Variants in PKD1 observed in about 807,000 individuals in gnomAD.
The protein encoded by PKD1 is polycystin-1.
In PKD1, 81 loss-of-function variants were observed where a neutral mutation model predicts 361.7. The ratio of observed to expected loss-of-function variants is 0.22; its 90% confidence interval spans 0.19 to 0.27. The LOEUF (loss-of-function observed/expected upper bound fraction) is 0.27, where lower values mean the gene tolerates loss of function less well. PKD1 is among the 10% of genes least tolerant of loss of function. PKD1 has a pLI of 1.00. For missense variants in PKD1, 6,399 were observed against 6,118.3 expected, an observed-to-expected ratio of 1.05 and a Z score of -1.53; for synonymous variants, 3,615 against 2,818.3, an observed-to-expected ratio of 1.28 and a Z score of -8.95.
Position 2,109,529 on chromosome 16 carries a change from T to C in PKD1, c.5638A>G (p.Asn1880Asp). Residue 1880 changes from asparagine to aspartate, a missense_variant, in exon 15 of 46, where the codon AAC (asparagine) becomes GAC (aspartate). Asn to Asp is a conservative substitution (Grantham distance 23). Transcript: ENST00000262304. The stretch of plus-strand genomic sequence containing the variant: ...ACGATGGGCTCCTCCGCCGTGAGGT[T>C]GTACGTGGCTGAGACCCAGCTGACT... ...NAVSWVSATY[N>D]LTAEEPIVGL... The C allele has an allele frequency of 6.2e-7, 1 of 1,611,154 alleles. No homozygotes were observed. Among genetic ancestry groups the C allele is most frequent in the East Asian group, 2.2e-5 (1 of 44,848 alleles).
Position 2,103,517 on chromosome 16 carries a change from T to G in PKD1, c.8540A>C (p.Lys2847Thr), listed in dbSNP as rs768619368. 10 of 1,606,442 alleles carry G rather than the reference T, an allele frequency of 6.2e-6. No individual in the cohort carries two copies. In the South Asian group the frequency reaches 1.1e-4, roughly 18 times the overall value. ...TGTCTGGAATGCCATCGAGGCCACC[T>G]TGGTGGAGACGGTGTAGTTGCTGAT... The part of the protein sequence containing the change: ...GYISNYTVST[K>T]VASMAFQTQA... The change falls in exon 23 of 46, where the codon AAG becomes ACG. Residue 2847 changes from lysine (K) to threonine (T), a missense_variant. Transcript: ENST00000262304.
At chr16:2,092,896 C>T in intron 38 of PKD1, 58 bp downstream of exon 38, 1 of 1,605,110 alleles carries the variant, frequency 6.2e-7, no homozygotes, top group Non-Finnish European at 8.5e-7. Context: ...TAGGGTCTGG[C>T]TGGACTAAAG....
chr16:2,090,263 C>T (rs372233477), intron 45 of PKD1, 22 bp downstream of exon 45: 18 of 1,608,334 alleles, frequency 1.1e-5, no homozygotes, highest in Admixed American at 5.0e-5. Context: ...TGTCCCTCTC[C>T]CCCCCACTGG....
At position 2,091,104 on chromosome 16, in the gene PKD1, C is replaced by G. The variant is rs764746483; in HGVS notation, c.11783G>C (p.Trp3928Ser). Reference protein sequence around the residue: ...EARTWHREGRWRVLRLGAWAR... With the variant: ...EARTWHREGRSRVLRLGAWAR... ...CCAGGCTCCGAGCCGCAGCACGCGC[C>G]AGCGCCCTTCCCTGTGCCAAGTACG... is the stretch of plus-strand genomic sequence containing the variant. The change falls in exon 43 of 46, where the codon TGG (tryptophan) becomes TCG (serine). Residue 3928 changes from tryptophan (W) to serine (S), a missense_variant. Transcript: ENST00000262304. The G allele has an allele frequency of 4.0e-6, 6 of 1,495,426 alleles. No individual in the cohort carries two copies. The East Asian group carries it at 1.6e-4, about 41-fold the overall frequency. 92.6% of individuals were successfully genotyped at this position (1,495,426 alleles called of 1,614,324 possible). A position where few individuals can be genotyped will look rare whatever the true frequency, so the allele number is the denominator to read the frequency against.
intron 14 of PKD1, among the ~76,000 whole-genome samples, 186 bp downstream of exon 14, chr16:2,112,154 G>A (rs1375940080): frequency 1.3e-5 from 2 of 152,162 alleles, no homozygotes; most frequent in Non-Finnish European, 2.9e-5. Context: ...CAGGGGCCCA[G>A]CTTCCCTGTC....
intron 1 of PKD1, among the ~76,000 whole-genome samples, chr16:2,124,887 C>T (rs1457138782): frequency 3.3e-5 from 5 of 152,204 alleles, no homozygotes; most frequent in African/African-American, 4.8e-5. Flanking sequence ...CCAGGGAGGC[C>T]CCATGCCCCC....
At chr16:2,112,200 TA>T in intron 14 of PKD1, 139 bp downstream of exon 14, 1 of 789,210 alleles carries the variant, frequency 1.3e-6, no homozygotes, top group Non-Finnish European at 2.1e-6. Flanking sequence ...CTCACCCCAG[TA>T]GGGGCCTAAG....
rs1199050207 is a variant in PKD1, at chr16:2,110,042, C to T, written c.5125G>A (p.Asp1709Asn). 10 of 1,610,262 alleles carry T rather than the reference C, an allele frequency of 6.2e-6. No individual in the cohort carries two copies. The highest frequency in any genetic ancestry group is 2.2e-4 in the Middle Eastern group (1 of 4,574). ...GGCTCCACGAAGTCCATGGTGCAGT[C>T]GGCCCAGGCGCTGCCCAGCATGTTG... ...ATNMLGSAWA[D>N]CTMDFVEPVG... The change falls in exon 15 of 46, where the codon GAC becomes AAC. Residue 1709 changes from aspartate (D) to asparagine (N), a missense_variant. Physicochemically the swap from Asp to Asn is conservative, Grantham distance 23. Transcript: ENST00000262304.
chr16:2,095,311 G>C (rs934467791), intron 34 of PKD1: 3 of 152,198 alleles, frequency 2.0e-5, no homozygotes, highest in Admixed American at 6.5e-5. Flanking sequence ...CTACTTGGGA[G>C]GCTGAGGCAG....
At chr16:2,123,565 C>A (rs1469157837) in intron 1 of PKD1, 3 of 454,564 alleles carry the variant, frequency 6.6e-6, no homozygotes, top group African/African-American at 2.0e-5. Flanking sequence ...CCAGCCCCCC[C>A]ACCCCGCCCC....
At chr16:2,127,242 C>T (rs149012922) in intron 1 of PKD1, among the ~76,000 whole-genome samples, 7,606 of 152,322 alleles carry the variant, frequency 0.05, 270 homozygotes, top group Non-Finnish European at 0.067. Context: ...CGCCAGCTTA[C>T]GTCAAAAGAA....
At chr16:2,103,928 G>C (rs781027842) in intron 22 of PKD1, 33 bp from the exon 23 acceptor site, 13 of 1,469,544 alleles carry the variant, frequency 8.8e-6, no homozygotes, top group Admixed American at 4.2e-5. Context: ...TGCAGAGACA[G>C]GGAGGTAGAG....
rs1596591593 is a variant in PKD1 at position 2,118,654 on chromosome 16, G to C, written c.529+22C>G. On this transcript the variant is annotated intron_variant, in intron 4 of 45. Coordinates refer to ENST00000262304, the MANE Select transcript of PKD1 (RefSeq NM_001009944.3). This position sits in a 1 kb window ranked among gnomAD's most constrained non-coding sequence, Gnocchi z 6.0. The stretch of plus-strand genomic sequence containing the variant: ...CCACCTGGCTGGGAAGGACAGAGCT[G>C]GCCCCACCCACCGGCACTCACCACA... The C allele has an allele frequency of 7.5e-7, 1 of 1,335,014 alleles. No individual in the cohort carries two copies. Among genetic ancestry groups the C allele is most frequent in the East Asian group, 2.5e-5 (1 of 40,216 alleles). 82.7% of individuals were successfully genotyped at this position (1,335,014 alleles called of 1,614,324 possible).
At chr16:2,104,748 T>C (rs920300323) in intron 21 of PKD1, 106 bp from the exon 22 acceptor site, 147 of 768,236 alleles carry the variant, frequency 1.9e-4, no homozygotes, top group African/African-American at 4.8e-4. Flanking sequence ...GCCCTGCAGC[T>C]GGAGAGCCCA....
rs1231857315 is a variant in PKD1, at chr16:2,092,890, G to A, written c.11156+64C>T. 2.5e-6 allele frequency: 4 copies of A among 1,588,240 alleles called. No individual in the cohort carries two copies. In the East Asian group the frequency reaches 8.9e-5, roughly 35 times the overall value. On this transcript the variant is annotated intron_variant, in intron 38 of 45. Coordinates refer to ENST00000262304, the MANE Select transcript of PKD1 (RefSeq NM_001009944.3). ...TACACATGTCCACATGTCCCCTAGG[G>A]TCTGGCTGGACTAAAGGCAAAACTA...
rs752105661 is a variant in PKD1, at chr16:2,108,388, A to G, written c.6779T>C (p.Ile2260Thr). 3.9e-5 allele frequency: 63 copies of G among 1,610,540 alleles called. No individual in the cohort carries two copies. Among genetic ancestry groups the G allele is most frequent in the Non-Finnish European group, 5.0e-5 (59 of 1,179,734 alleles). ...TVAPERLVPI[I>T]EGGSYRVWSD... ...CCACACGCGGTATGAGCCACCCTCA[A>G]TGATGGGCACCAGGCGCTCGGGGGC... is the stretch of plus-strand genomic sequence containing the variant. Residue 2260 changes from isoleucine (I) to threonine (T), a missense_variant, in exon 15 of 46, where the codon ATT becomes ACT. Coordinates refer to ENST00000262304, the MANE Select transcript of PKD1 (RefSeq NM_001009944.3).
intron 32 of PKD1, 39 bp downstream of exon 32, chr16:2,097,689 G>A (rs1370511709): frequency 1.2e-6 from 2 of 1,610,774 alleles, no homozygotes; most frequent in East Asian, 2.2e-5. Context: ...CAGACACAGT[G>A]ACCTGCACCA....
rs117896488 is a variant in PKD1, at chr16:2,102,560, C to T, written c.9022G>A (p.Val3008Met). 595 of 1,610,954 alleles carry T rather than the reference C, an allele frequency of 3.7e-4. 6 individuals carry two copies. In the East Asian group the frequency reaches 0.013, roughly 35 times the overall value. ...TGGCACAGGGACGTGTACAGGCCCA[C>T]GGACACCTGCAGCGCCGACCAGCGG... Reference protein sequence around the residue: ...HFRWSALQVSVGLYTSLCQYF... With the variant: ...HFRWSALQVSMGLYTSLCQYF... The change falls in exon 25 of 46, where the codon GTG becomes ATG. Residue 3008 changes from valine to methionine, a missense_variant. Physicochemically the swap from Val to Met is conservative, Grantham distance 21. Transcript: ENST00000262304.
At chr16:2,112,257 G>T (rs2369078) in intron 14 of PKD1, 83 bp downstream of exon 14, 4 of 1,219,654 alleles carry the variant, frequency 3.3e-6, no homozygotes, top group African/African-American at 3.0e-5. Flanking sequence ...GGGGAGGAAG[G>T]GGGGCAGCTT....
Sources: allele counts gnomAD v4.1 joint callset (sites outside exome capture counted in the v4.1 genomes callset), GRCh38; gene constraint gnomAD v4.1.1; non-coding constraint Gnocchi (gnomAD v3.1); transcripts MANE v1.5; gene names NCBI Gene and HGNC (gene_info 2026-07-23, HGNC 2026-07-21).